MTFR1: variants seen among roughly 807,000 people sequenced by gnomAD.
MTFR1 encodes mitochondrial fission regulator 1.
Under a neutral mutation model 38.8 loss-of-function variants are expected in MTFR1, and 28 were observed. That is an observed-to-expected ratio of 0.72 (90% confidence interval 0.53 to 0.99). MTFR1 has a LOEUF of 0.99. MTFR1 is among the 50% of genes least tolerant of loss of function. MTFR1 has a pLI of 0.00. For synonymous variants in MTFR1, 145 were observed against 137.0 expected (o/e 1.06, Z -0.41); for missense variants, 358 against 395.5 (o/e 0.91, Z 0.81).
intron 3 of MTFR1, among the ~76,000 whole-genome samples, chr8:65,687,154 C>A (rs574667136): frequency 1.4e-4 from 22 of 152,078 alleles, no homozygotes; most frequent in African/African-American, 5.1e-4. Flanking sequence ...AAAATAGTGA[C>A]CATGCAAGAG....
At chr8:65,767,901 AC>A (rs903836215) in intron 3 of MTFR1, among the ~76,000 whole-genome samples, 1 of 152,166 alleles carries the variant, frequency 6.6e-6, no homozygotes, top group African/African-American at 2.4e-5. Flanking sequence ...GGTCCTGGGA[AC>A]CGCAACCTGA....
chr8:65,724,452 A>C, intron 3 of MTFR1: 1 of 680,240 alleles, frequency 1.5e-6, no homozygotes, highest in South Asian at 2.3e-5. Context: ...AATATAAATA[A>C]ATAAGCCAGA....
chr8:65,738,886 A>C (rs1246586829), intron 3 of MTFR1, among the ~76,000 whole-genome samples: 1 of 152,254 alleles, frequency 6.6e-6, no homozygotes, highest in African/African-American at 2.4e-5. Context: ...TCTGTGGCCA[A>C]TGTAAGGAAC....
At chr8:65,740,267 G>A (rs1283772411) in intron 3 of MTFR1, among the ~76,000 whole-genome samples, 3 of 152,076 alleles carry the variant, frequency 2.0e-5, no homozygotes, top group Non-Finnish European at 1.5e-5. Flanking sequence ...CAGTGAAATG[G>A]CTCTTTCACG....
At chr8:65,661,538 TGAG>T (rs1809414384) in intron 1 of MTFR1, among the ~76,000 whole-genome samples, 1 of 151,968 alleles carries the variant, frequency 6.6e-6, no homozygotes, top group Admixed American at 6.6e-5. Flanking sequence ...TTAAGAGGCA[TGAG>T]AATCGCTTGA....
chr8:65,681,671 GT>G (rs200580429), intron 2 of MTFR1, among the ~76,000 whole-genome samples: 1,598 of 108,310 alleles, frequency 0.015, 12 homozygotes, highest in Middle Eastern at 0.041. Flanking sequence ...TGTTGTTTTT[GT>G]TTTTTTTTTT....
At chr8:65,647,400 C>T (rs1018096244) in intron 1 of MTFR1, among the ~76,000 whole-genome samples, 3 of 152,172 alleles carry the variant, frequency 2.0e-5, no homozygotes, top group African/African-American at 7.2e-5. Context: ...GCAACCTCTG[C>T]CTCCTGGGTT....
chr8:65,755,773 A>T (rs1353123095), intron 3 of MTFR1, among the ~76,000 whole-genome samples: 1 of 152,186 alleles, frequency 6.6e-6, no homozygotes, highest in Non-Finnish European at 1.5e-5. Flanking sequence ...CATCATAAAG[A>T]ACTCCCTTTA....
intron 4 of MTFR1, among the ~76,000 whole-genome samples, chr8:65,698,835 T>C (rs1805528049): frequency 6.6e-6 from 1 of 152,000 alleles, no homozygotes; most frequent in Non-Finnish European, 1.5e-5. Flanking sequence ...TTCAAGCGAT[T>C]TTCATGCCTC....
chr8:65,693,732 A>G lies in MTFR1; in HGVS notation c.254A>G (p.Glu85Gly). Residue 85 changes from glutamate to glycine, a missense_variant, in exon 4 of 8, where the codon GAA becomes GGA. Transcript: ENST00000262146. The stretch of plus-strand genomic sequence containing the variant: ...GCTGATGTTGGATGGGTAGCCAAAG[A>G]AGAAGGAGAGTGTTCAGCAAGACTA... Reference protein sequence around the residue: ...SFADVGWVAKEEGECSARLRT... With the variant: ...SFADVGWVAKGEGECSARLRT... 6.2e-7 allele frequency: 1 copy of G among 1,614,114 alleles called. No homozygotes were observed. Among genetic ancestry groups the G allele is most frequent in the Non-Finnish European group, 8.5e-7 (1 of 1,179,998 alleles).
chr8:65,648,297 G>A (rs1308225530), intron 1 of MTFR1, among the ~76,000 whole-genome samples: 8 of 152,134 alleles, frequency 5.3e-5, no homozygotes, highest in South Asian at 2.1e-4. Flanking sequence ...GATTACAGGC[G>A]TGAGTCACCA....
intron 3 of MTFR1, among the ~76,000 whole-genome samples, chr8:65,753,938 C>G (rs914378523): frequency 1.3e-5 from 2 of 151,848 alleles, no homozygotes; most frequent in African/African-American, 4.8e-5. Flanking sequence ...AATATAGTCA[C>G]CCCAGATCTC....
At chr8:65,769,583 A>C (rs1250899954) in intron 3 of MTFR1, among the ~76,000 whole-genome samples, 2 of 152,314 alleles carry the variant, frequency 1.3e-5, no homozygotes, top group East Asian at 3.9e-4. Flanking sequence ...AACTGGCCTA[A>C]ATTTCAGTTA....
chr8:65,777,316 T>A, the MTFR1 span, among the ~76,000 whole-genome samples: 2 of 152,062 alleles, frequency 1.3e-5, no homozygotes, highest in Non-Finnish European at 2.9e-5. Context: ...CGACCTCAGA[T>A]GATCCGCCCG....
chr8:65,738,244 T>C (rs555788503), intron 3 of MTFR1, among the ~76,000 whole-genome samples: 1 of 150,446 alleles, frequency 6.6e-6, no homozygotes, highest in South Asian at 2.2e-4. Context: ...TGTAATCTTT[T>C]TGCTGTATAT....
chr8:65,664,672 T>C (rs1031354828), intron 1 of MTFR1, among the ~76,000 whole-genome samples: 1 of 147,832 alleles, frequency 6.8e-6, no homozygotes, highest in Non-Finnish European at 1.5e-5. Flanking sequence ...CCTCAGCCCA[T>C]TGCAACTTTT....
At chr8:65,739,553 C>A in intron 3 of MTFR1, 2 of 1,562,142 alleles carry the variant, frequency 1.3e-6, no homozygotes, top group Non-Finnish European at 1.7e-6. Context: ...TCAATTAATC[C>A]ATGAAGACTA....
At chr8:65,774,881 T>G (rs1393163994), downstream of MTFR1, among the ~76,000 whole-genome samples, 1 of 152,178 alleles carries the variant, frequency 6.6e-6, no homozygotes, top group African/African-American at 2.4e-5. Context: ...CATGCAGCCT[T>G]GGAAAACTCC....
At chr8:65,763,292 C>T (rs567771994) in intron 3 of MTFR1, among the ~76,000 whole-genome samples, 3 of 152,086 alleles carry the variant, frequency 2.0e-5, no homozygotes, top group South Asian at 2.1e-4. Flanking sequence ...AGGTTACATA[C>T]GGTGGCTCAC....
Sources: gnomAD v4.1 joint callset for allele counts (sites outside exome capture counted in the v4.1 genomes callset) on GRCh38, gnomAD v4.1.1 for gene constraint, MANE v1.5 for transcripts, NCBI Gene and HGNC (gene_info 2026-07-23, HGNC 2026-07-21) for gene names.